The following PTPRR variants were observed in gnomAD, a reference collection of about 807,000 sequenced individuals.
The protein encoded by PTPRR is receptor-type tyrosine-protein phosphatase R.
In PTPRR, 38 loss-of-function variants were observed where a neutral mutation model predicts 77.2. The observed-to-expected ratio is 0.49, with a 90% CI of 0.38 to 0.65. PTPRR has a LOEUF of 0.65. Ranked by LOEUF, PTPRR falls within the 30% of genes least tolerant of loss-of-function variation. The pLI is 0.00. For synonymous variants in PTPRR, 299 were observed against 283.1 expected, an observed-to-expected ratio of 1.06 and a Z score of -0.57; for missense variants, 744 against 799.2, an observed-to-expected ratio of 0.93 and a Z score of 0.83.
Position 70,849,340 on chromosome 12 carries a change from G to T in PTPRR, c.357+43339C>A, listed in dbSNP as rs899517061. Among the ~76,000 whole-genome samples the T allele has an allele frequency of 2.8e-4, 43 of 152,274 alleles. 1 individual carries two copies. Among genetic ancestry groups the T allele is most frequent in the African/African-American group, 9.9e-4 (41 of 41,566 alleles). Reference sequence around the variant, plus strand: ...CTGTTAAAGAGAGTTCTTAAGAATAGGCCAGATAGCCACTCAAGAAGAAAG... The same window carrying T: ...CTGTTAAAGAGAGTTCTTAAGAATATGCCAGATAGCCACTCAAGAAGAAAG... On this transcript the variant is annotated intron_variant, in intron 2 of 13. Coordinates refer to ENST00000283228, the MANE Select transcript of PTPRR (RefSeq NM_002849.4).
intron 13 of PTPRR, among the ~76,000 whole-genome samples, chr12:70,646,287 A>C (rs549933271): frequency 6.6e-6 from 1 of 152,284 alleles, no homozygotes; most frequent in Admixed American, 6.5e-5. Context: ...ATGGCTTTAC[A>C]CAGATGTCAT....
Position 70,735,395 on chromosome 12 carries a change from G to A in PTPRR, c.1007+10423C>T, listed in dbSNP as rs61932480. Among the ~76,000 whole-genome samples, 596 of 152,276 alleles carry A rather than the reference G, an allele frequency of 3.9e-3. 1 individual carries two copies. Among genetic ancestry groups the A allele is most frequent in the Middle Eastern group, 0.014 (4 of 294 alleles). On this transcript the variant is annotated intron_variant, in intron 6 of 13. Transcript: ENST00000283228. ...CAAAGGCATGTCTTACATGGCAGCA[G>A]GCAAGAGAGTGTGTGCAAGGGACCT...
chr12:70,892,632 G>C, intron 2 of PTPRR, 47 bp downstream of exon 2: 1 of 1,591,318 alleles, frequency 6.3e-7, no homozygotes, highest in Non-Finnish European at 8.6e-7. Context: ...ATCAATGACA[G>C]GAAAGAATCA....
chr12:70,871,258 A>G (rs1166385498), intron 2 of PTPRR, among the ~76,000 whole-genome samples: 2 of 152,176 alleles, frequency 1.3e-5, no homozygotes, highest in East Asian at 1.9e-4. Flanking sequence ...AAAAACTTCA[A>G]TAGCAGCAAA....
chr12:70,781,765 CAG>C (rs149320970), intron 2 of PTPRR, among the ~76,000 whole-genome samples: 1 of 152,186 alleles, frequency 6.6e-6, no homozygotes, highest in African/African-American at 2.4e-5. Flanking sequence ...GGATGGTAAA[CAG>C]AGAGAATTCA....
At chr12:70,893,189 A>G (rs909595355) in intron 1 of PTPRR, among the ~76,000 whole-genome samples, 4 of 151,950 alleles carry the variant, frequency 2.6e-5, no homozygotes, top group Admixed American at 2.6e-4. Context: ...TAGGTGGATA[A>G]AAGTGGGCGT....
chr12:70,744,082 G>A (rs755890994), intron 6 of PTPRR, among the ~76,000 whole-genome samples: 7 of 152,126 alleles, frequency 4.6e-5, no homozygotes, highest in Non-Finnish European at 1.0e-4. Context: ...GTGCTTCAAA[G>A]TTCCTCTTTG....
In PTPRR at chr12:70,762,808, C is replaced by T. The variant is rs142006024; in HGVS notation, c.472-1182G>A. Among the ~76,000 whole-genome samples, 10 of 152,200 alleles carry T rather than the reference C, an allele frequency of 6.6e-5. No homozygotes were observed. The East Asian group carries it at 1.9e-3, about 29-fold the overall frequency. ...AATGAAGTATGGTTTTGTCTGTCTCCAAAACACATGATGCTAATCAACATG... is the reference window on the plus strand; with the variant it reads ...AATGAAGTATGGTTTTGTCTGTCTCTAAAACACATGATGCTAATCAACATG... On this transcript the variant is annotated intron_variant, in intron 3 of 13. Transcript: ENST00000283228.
rs1430397624 is a variant in PTPRR, at chr12:70,662,508, T to C, written c.1595A>G (p.Asn532Ser). 2 of 1,595,262 alleles carry C rather than the reference T, an allele frequency of 1.3e-6. No individual in the cohort carries two copies. The highest frequency in any genetic ancestry group is 2.2e-5 in the East Asian group (1 of 44,598). ...VNECDNYTIR[N>S]LVLKQGSHTQ... The stretch of plus-strand genomic sequence containing the variant: ...ACATAATCTTACCTTTAAGACAAGG[T>C]TTCGAATGGTGTAGTTATCACATTC... Residue 532 changes from asparagine (N) to serine (S), a missense_variant, in exon 11 of 14, where the codon AAC (asparagine) becomes AGC (serine). This residue lies in a region of PTPRR where 170 missense variants were observed against 209.8 expected (regional missense o/e 0.81). Transcript: ENST00000283228.
intron 2 of PTPRR, among the ~76,000 whole-genome samples, chr12:70,887,750 G>A (rs12230919): frequency 0.22 from 33,003 of 151,740 alleles, 3,838 homozygotes; most frequent in East Asian, 0.4. Context: ...AGGGAGTCAA[G>A]GAGAGGTGGA....
chr12:70,826,638 A>G (rs886492856), intron 2 of PTPRR, among the ~76,000 whole-genome samples: 2 of 152,198 alleles, frequency 1.3e-5, no homozygotes, highest in African/African-American at 4.8e-5. Context: ...AAACTTGTCA[A>G]TCCATGTGCT....
chr12:70,643,845 C>T (rs1886100110), intron 13 of PTPRR, among the ~76,000 whole-genome samples: 1 of 152,026 alleles, frequency 6.6e-6, no homozygotes, highest in African/African-American at 2.4e-5. Context: ...ACTGCAGCCT[C>T]AACCTCCCAG....
At chr12:70,776,098 A>G (rs1393371216) in intron 2 of PTPRR, among the ~76,000 whole-genome samples, 2 of 152,000 alleles carry the variant, frequency 1.3e-5, no homozygotes, top group African/African-American at 2.4e-5. Flanking sequence ...ACATTACCCA[A>G]ACTGAACTTA....
At chr12:70,750,843 G>A (rs1005862832) in intron 5 of PTPRR, among the ~76,000 whole-genome samples, 4 of 151,818 alleles carry the variant, frequency 2.6e-5, no homozygotes, top group African/African-American at 4.8e-5. Flanking sequence ...GCTCCTCCCC[G>A]TCAGTCTCCT....
chr12:70,884,630 G>A (rs1428491225), intron 2 of PTPRR, among the ~76,000 whole-genome samples: 1 of 151,978 alleles, frequency 6.6e-6, no homozygotes, highest in Non-Finnish European at 1.5e-5. Context: ...CACTTTGGAA[G>A]GCCGAGGCGG....
chr12:70,867,192 C>T (rs1166423194), intron 2 of PTPRR, among the ~76,000 whole-genome samples: 1 of 151,256 alleles, frequency 6.6e-6, no homozygotes, highest in African/African-American at 2.4e-5. Context: ...CTGGCCAGGG[C>T]AATTAGGCAG....
At chr12:70,666,949 T>TTG (rs1887026740) in intron 10 of PTPRR, among the ~76,000 whole-genome samples, 2 of 87,020 alleles carry the variant, frequency 2.3e-5, no homozygotes, top group Admixed American at 1.1e-4. Context: ...TTTTTTTTTT[T>TTG]TTTTTTTTTT....
intron 12 of PTPRR, among the ~76,000 whole-genome samples, chr12:70,660,104 G>A (rs1433810177): frequency 6.6e-6 from 1 of 151,840 alleles, no homozygotes; most frequent in African/African-American, 2.4e-5. Context: ...TTGAGCCAAG[G>A]AGGCGGAGGT....
intron 2 of PTPRR, among the ~76,000 whole-genome samples, chr12:70,809,345 A>G (rs1025982865): frequency 6.6e-6 from 1 of 152,238 alleles, no homozygotes; most frequent in Non-Finnish European, 1.5e-5. Flanking sequence ...TACTGCATCT[A>G]CTCAGGATTG....
Sources: allele counts gnomAD v4.1 joint callset (sites outside exome capture counted in the v4.1 genomes callset), GRCh38; gene constraint gnomAD v4.1.1; regional missense constraint gnomAD v4.1.1; transcripts MANE v1.5; gene names NCBI Gene and HGNC (gene_info 2026-07-23, HGNC 2026-07-21).